Variants in EPB41L1 observed in about 807,000 individuals in gnomAD.
EPB41L1 encodes the protein erythrocyte membrane protein band 4.1 like 1.
A neutral mutation model predicts 97.8 loss-of-function variants in EPB41L1; 29 were observed. That is an observed-to-expected ratio of 0.30 (90% CI 0.22 to 0.40). The LOEUF is 0.40. EPB41L1 is among the 10% of genes least tolerant of loss of function. EPB41L1 has a pLI of 1.00. For missense variants in EPB41L1, 812 were observed against 1,162.3 expected (o/e 0.70, Z 4.38); for synonymous variants, 383 against 459.2 (o/e 0.83, Z 2.12).
rs750666042 is a variant in EPB41L1 at position 36,190,354 on chromosome 20, C to T, written c.1104C>T (p.Ile368=). The part of the protein sequence containing the change: ...RSAKRLWKVC[I]EHHTFFRLVS... The stretch of plus-strand genomic sequence containing the variant: ...CCAAGAGACTGTGGAAGGTCTGCAT[C>T]GAGCATCATACATTCTTCCGGTGAG... Residue 368 remains isoleucine, a synonymous_variant, in exon 10 of 22, where the codon ATC becomes ATT. Coordinates refer to ENST00000338074, the MANE Select transcript of EPB41L1 (RefSeq NM_012156.2). This position sits in a 1 kb window ranked among gnomAD's most constrained non-coding sequence, Gnocchi z 5.8. The T allele has an allele frequency of 2.3e-5, 37 of 1,613,998 alleles. No homozygotes were observed. Among genetic ancestry groups the T allele is most frequent in the South Asian group, 2.0e-4 (18 of 91,066 alleles).
intron 1 of EPB41L1, among the ~76,000 whole-genome samples, chr20:36,099,042 A>C (rs1453751076): frequency 6.6e-6 from 1 of 152,072 alleles, no homozygotes; most frequent in Non-Finnish European, 1.5e-5. Flanking sequence ...GGTGGCGGGC[A>C]CCTGTAATCC....
intron 2 of EPB41L1, among the ~76,000 whole-genome samples, chr20:36,112,676 G>T (rs1268711817): frequency 1.3e-5 from 2 of 152,204 alleles, no homozygotes; most frequent in Non-Finnish European, 2.9e-5. Flanking sequence ...GCTTGTTTTG[G>T]GTTAGGGGCT....
At chr20:36,091,899 C>T (rs2057674678) in intron 1 of EPB41L1, 1 of 152,270 alleles carries the variant, frequency 6.6e-6, no homozygotes, top group South Asian at 2.1e-4. Flanking sequence ...CTCTCCTAGC[C>T]TCAGTGTGTA....
At chr20:36,168,746 G>T (rs1036297773) in intron 1 of EPB41L1, among the ~76,000 whole-genome samples, 3 of 151,686 alleles carry the variant, frequency 2.0e-5, no homozygotes, top group Non-Finnish European at 4.4e-5. Context: ...TAGAGACAGG[G>T]TTTCACCATG....
chr20:36,115,836 G>A (rs2058568468), intron 2 of EPB41L1, among the ~76,000 whole-genome samples: 1 of 152,134 alleles, frequency 6.6e-6, no homozygotes, highest in South Asian at 2.1e-4. Context: ...AGGTTGCAGT[G>A]AGTCGCAATC....
At chr20:36,099,078 A>T (rs1264745487) in intron 1 of EPB41L1, among the ~76,000 whole-genome samples, 1 of 152,212 alleles carries the variant, frequency 6.6e-6, no homozygotes, top group African/African-American at 2.4e-5. Flanking sequence ...CTGAGACAGG[A>T]GAATTGCTTG....
At chr20:36,146,448 G>A (rs1298677754) in intron 2 of EPB41L1, among the ~76,000 whole-genome samples, 1 of 152,262 alleles carries the variant, frequency 6.6e-6, no homozygotes. Flanking sequence ...CAGTTGGCGA[G>A]GGGAGTCCGG....
chr20:36,208,349 G>C (rs1158268772), intron 14 of EPB41L1: 1 of 454,106 alleles, frequency 2.2e-6, no homozygotes, highest in South Asian at 1.6e-5. Context: ...CACCAACTTA[G>C]CAGCCAACAC....
At chr20:36,105,322 A>C (rs2058154431) in intron 1 of EPB41L1, among the ~76,000 whole-genome samples, 1 of 152,134 alleles carries the variant, frequency 6.6e-6, no homozygotes, top group South Asian at 2.1e-4. Flanking sequence ...CCAGGGCTGG[A>C]GGACTTCAGA....
At chr20:36,096,261 C>G (rs1486696712) in intron 1 of EPB41L1, among the ~76,000 whole-genome samples, 2 of 152,172 alleles carry the variant, frequency 1.3e-5, no homozygotes, top group Non-Finnish European at 2.9e-5. Context: ...CAGGCCCCAC[C>G]TGGTAGGTAG....
At position 36,206,643 on chromosome 20, in the gene EPB41L1, C is replaced by CATG. The variant is rs1171326481; in HGVS notation, c.1669-2843_1669-2841dup. 1 of 1,289,700 alleles carries CATG rather than the reference C, an allele frequency of 7.8e-7. No homozygotes were observed. Among genetic ancestry groups the CATG allele is most frequent in the Non-Finnish European group, 1.0e-6 (1 of 988,878 alleles). 79.9% of individuals were successfully genotyped at this position (1,289,700 alleles called of 1,614,324 possible). On this transcript the variant is annotated intron_variant, in intron 14 of 21. Transcript: ENST00000338074. This position sits in a 1 kb window ranked among gnomAD's most constrained non-coding sequence, Gnocchi z 5.5. ...CCAGCAGGAGCAAGGACGAAGCCCA[C>CATG]ATGACTTCCCCAAAGGAAGGGGCAG...
intron 2 of EPB41L1, among the ~76,000 whole-genome samples, chr20:36,114,308 G>A (rs750381481): frequency 1.3e-5 from 2 of 152,060 alleles, no homozygotes; most frequent in Non-Finnish European, 2.9e-5. Context: ...TGCCCTCCTC[G>A]TGGCTTAGTT....
chr20:36,221,787 G>T, intron 19 of EPB41L1, 77 bp from the exon 20 acceptor site: 1 of 1,242,664 alleles, frequency 8.0e-7, no homozygotes, highest in Non-Finnish European at 1.2e-6. Context: ...CTCGAGAGAT[G>T]ATTTGGGTAG....
At chr20:36,219,057 C>G (rs1288435272) in intron 18 of EPB41L1, 95 bp downstream of exon 18, 1 of 1,307,350 alleles carries the variant, frequency 7.6e-7, no homozygotes, top group Non-Finnish European at 1.1e-6. Flanking sequence ...GCGTTGAGCC[C>G]AGAAGGCACC....
intron 4 of EPB41L1, 49 bp from the exon 5 acceptor site, chr20:36,178,581 A>G: frequency 6.3e-7 from 1 of 1,577,690 alleles, no homozygotes; most frequent in Non-Finnish European, 8.7e-7. Context: ...CAGCCCAGTC[A>G]GGTCCTTTCC....
At chr20:36,214,899 C>G (rs2063351768) in intron 17 of EPB41L1, among the ~76,000 whole-genome samples, 1 of 151,752 alleles carries the variant, frequency 6.6e-6, no homozygotes, top group Admixed American at 6.6e-5. Flanking sequence ...TAAGTTGGAA[C>G]CAGGATTTTT....
chr20:36,190,617 T>G lies in EPB41L1; in HGVS notation c.1125-5T>G, dbSNP rs1429500966. 5.0e-6 allele frequency: 8 copies of G among 1,613,970 alleles called. No individual in the cohort carries two copies. Among genetic ancestry groups the G allele is most frequent in the Non-Finnish European group, 6.8e-6 (8 of 1,180,018 alleles). The stretch of plus-strand genomic sequence containing the variant: ...CTCCTCCTCCCCTGCATCCCTCTGC[T>G]GCAGGCTGGTGTCCCCTGAGCCCCC... On this transcript the variant is annotated splice_polypyrimidine_tract_variant and splice_region_variant and intron_variant, in intron 10 of 21. Coordinates refer to ENST00000338074, the MANE Select transcript of EPB41L1 (RefSeq NM_012156.2). This position sits in a 1 kb window ranked among gnomAD's most constrained non-coding sequence, Gnocchi z 5.8.
chr20:36,171,017 C>T (rs975852771), intron 1 of EPB41L1, among the ~76,000 whole-genome samples: 3 of 152,002 alleles, frequency 2.0e-5, no homozygotes, highest in Non-Finnish European at 4.4e-5. Context: ...GAGCTGAAAT[C>T]AGATTGAGGC....
chr20:36,173,622 C>G (rs1347981090), intron 1 of EPB41L1, 142 bp from the exon 2 acceptor site: 5 of 762,266 alleles, frequency 6.6e-6, no homozygotes, highest in Middle Eastern at 2.4e-4. Context: ...CTTCCTCTGT[C>G]TCTCCCTTCC....
Sources: allele counts gnomAD v4.1 joint callset (sites outside exome capture counted in the v4.1 genomes callset), GRCh38; gene constraint gnomAD v4.1.1; non-coding constraint Gnocchi (gnomAD v3.1); transcripts MANE v1.5; gene names NCBI Gene and HGNC (gene_info 2026-07-23, HGNC 2026-07-21).